NUDT14: variants seen among roughly 807,000 people sequenced by gnomAD.
The protein encoded by NUDT14 is nudix hydrolase 14.
In NUDT14, 22 loss-of-function variants were observed where a neutral mutation model predicts 17.5. That is an observed-to-expected ratio of 1.26 (90% CI 0.90 to 1.80). The LOEUF (loss-of-function observed/expected upper bound fraction) is 1.80, where lower values mean the gene tolerates loss of function less well. NUDT14 is among the 40% of genes most tolerant of loss of function. NUDT14 has a pLI of 0.00. For synonymous variants in NUDT14, 129 were observed against 125.8 expected (o/e 1.03, Z -0.17); for missense variants, 296 against 295.6 (o/e 1.00, Z -0.01).
Position 105,181,233 on chromosome 14 carries a change from CCGCGAGCTCTGCGGG to C in NUDT14, c.-39_-25del, listed in dbSNP as rs1328170589. The C allele has an allele frequency of 2.7e-3, 699 of 254,202 alleles. 3 individuals carry two copies. Among genetic ancestry groups the C allele is most frequent in the Non-Finnish European group, 3.3e-3 (666 of 203,138 alleles). 15.7% of individuals were successfully genotyped at this position (254,202 alleles called of 1,614,324 possible). On this transcript the variant is annotated 5_prime_UTR_variant, in exon 1 of 5. Coordinates refer to ENST00000392568, the MANE Select transcript of NUDT14 (RefSeq NM_177533.5). This position sits in a 1 kb window ranked among gnomAD's most constrained non-coding sequence, Gnocchi z 5.0. ...ATGGCGGCGCCCGGACAGGCGGGGG[CCGCGAGCTCTGCGGG>C]GGCCGACACGGGGCGGCGCCCTGTC...
At position 105,173,113 on chromosome 14, in the gene NUDT14, C is replaced by T; in HGVS notation, c.577G>A (p.Ala193Thr). The change falls in exon 5 of 5, where the codon GCA (alanine) becomes ACA (threonine). Residue 193 changes from alanine to threonine, a missense_variant. By Grantham distance (58) the Ala-to-Thr change is moderately conservative (BLOSUM62 0). Coordinates refer to ENST00000392568, the MANE Select transcript of NUDT14 (RefSeq NM_177533.5). This position sits in a 1 kb window ranked among gnomAD's most constrained non-coding sequence, Gnocchi z 4.7. ...GTCTTGGGGATGTCCGGGTCGTCTG[C>T]AAAGGCCTGGGCGCCTTCCAGGGGC... ...HLPLEGAQAF[A>T]DDPDIPKTLG... 1.3e-6 allele frequency: 2 copies of T among 1,596,892 alleles called. No homozygotes were observed. The highest frequency in any genetic ancestry group is 1.7e-6 in the Non-Finnish European group (2 of 1,173,024).
Position 105,176,972 on chromosome 14 carries a change from A to C in NUDT14, c.181T>G (p.Phe61Val), listed in dbSNP as rs1412066911. ...SRRSLVLVKQ[F>V]RPAVYAGEVE... is the part of the protein sequence containing the mutation. ...CCCCAGCTGGCCTCACCTGGCCGGAACTGCTTCACCAACACCAGGCTCCTC... is the reference window on the plus strand; with the variant it reads ...CCCCAGCTGGCCTCACCTGGCCGGACCTGCTTCACCAACACCAGGCTCCTC... Residue 61 changes from phenylalanine to valine, a missense_variant, in exon 3 of 5, where the codon TTC becomes GTC. Physicochemically the swap from Phe to Val is conservative, Grantham distance 50. Coordinates refer to ENST00000392568, the MANE Select transcript of NUDT14 (RefSeq NM_177533.5). 15 of 1,611,848 alleles carry C rather than the reference A, an allele frequency of 9.3e-6. No homozygotes were observed. In the Admixed American group the frequency reaches 1.2e-4, roughly 13 times the overall value.
chr14:105,177,709 G>C lies in NUDT14; in HGVS notation c.108C>G (p.Phe36Leu), dbSNP rs752515273. 1 of 1,612,500 alleles carries C rather than the reference G, an allele frequency of 6.2e-7. No homozygotes were observed. Among genetic ancestry groups the C allele is most frequent in the South Asian group, 1.1e-5 (1 of 91,082 alleles). Residue 36 changes from phenylalanine to leucine, a missense_variant, in exon 2 of 5, where the codon TTC (phenylalanine) becomes TTG (leucine). Physicochemically the swap from Phe to Leu is conservative, Grantham distance 22. Coordinates refer to ENST00000392568, the MANE Select transcript of NUDT14 (RefSeq NM_177533.5). ...RQNGAQKSWD[F>L]MKTHDSVTVL... ...GCTCTCACCTGTCATGCGTCTTCAT[G>C]AAGTCCCAGGACTTCTGGGCACCAT...
rs201633672 is a variant in NUDT14 at position 105,177,075 on chromosome 14, C to T, written c.126-48G>A. 98 of 1,571,584 alleles carry T rather than the reference C, an allele frequency of 6.2e-5. 1 individual carries two copies. In the East Asian group the frequency reaches 2.0e-3, roughly 32 times the overall value. ...AGCACAGAAGCACTCCACTGGCCCT[C>T]GTGGGGCCCCACCTCCCATCTTTCT... On this transcript the variant is annotated intron_variant, in intron 2 of 4. Transcript: ENST00000392568.
At chr14:105,176,470 G>T in intron 4 of NUDT14, 64 bp downstream of exon 4, 1 of 1,300,738 alleles carries the variant, frequency 7.7e-7, no homozygotes, top group Non-Finnish European at 1.1e-6. Flanking sequence ...TCCCAGGGAC[G>T]GGGCCCTCAC....
At chr14:105,175,719 T>C (rs968576681) in intron 4 of NUDT14, 7 of 1,000,278 alleles carry the variant, frequency 7.0e-6, no homozygotes, top group Middle Eastern at 5.0e-4. Context: ...AATGCTGCCT[T>C]TAACTTGGGA....
At chr14:105,175,591 G>A (rs996361626) in intron 4 of NUDT14, 2 of 344,706 alleles carry the variant, frequency 5.8e-6, no homozygotes, top group African/African-American at 4.4e-5. Flanking sequence ...AGCAGAGGCG[G>A]GGTTTCTCCA....
rs1244708127 is a variant in NUDT14 at position 105,176,952 on chromosome 14, G to GCTGGCCTCAC, written c.190+1_190+10dup. 98 of 1,610,914 alleles carry GCTGGCCTCAC rather than the reference G, an allele frequency of 6.1e-5. No homozygotes were observed. Among genetic ancestry groups the GCTGGCCTCAC allele is most frequent in the Non-Finnish European group, 7.6e-5 (90 of 1,179,214 alleles). Reference sequence around the variant, plus strand: ...CCCTGCAGATCCCCTTCCCACCCCAGCTGGCCTCACCTGGCCGGAACTGCT... The same window carrying GCTGGCCTCAC: ...CCCTGCAGATCCCCTTCCCACCCCAGCTGGCCTCACCTGGCCTCACCTGGCCGGAACTGCT... On this transcript the variant is annotated intron_variant, in intron 3 of 4. Coordinates refer to ENST00000392568, the MANE Select transcript of NUDT14 (RefSeq NM_177533.5).
chr14:105,176,539 T>C lies in NUDT14; in HGVS notation c.423A>G (p.Thr141=). The C allele has an allele frequency of 1.2e-6, 2 of 1,611,618 alleles. No individual in the cohort carries two copies. The highest frequency in any genetic ancestry group is 1.7e-6 in the Non-Finnish European group (2 of 1,178,960). ...LAPSDLRRVA[T]YWSGVGLTGS... is the part of the protein sequence containing the mutation. ...GAGGGCCTGGTCCCACTCACCAGTATGTGGCGACCCGGCGCAGATCAGAGG... is the reference window on the plus strand; with the variant it reads ...GAGGGCCTGGTCCCACTCACCAGTACGTGGCGACCCGGCGCAGATCAGAGG... The change falls in exon 4 of 5, where the codon ACA becomes ACG. Residue 141 remains threonine (T), a synonymous_variant. Transcript: ENST00000392568.
chr14:105,176,079 C>G (rs973133288), intron 4 of NUDT14: 62 of 1,082,490 alleles, frequency 5.7e-5, no homozygotes, highest in Non-Finnish European at 6.5e-5. Flanking sequence ...GAGTTGGTGC[C>G]TCGAGTTTGG....
At chr14:105,176,935 A>T in intron 3 of NUDT14, 28 bp downstream of exon 3, 1 of 1,601,866 alleles carries the variant, frequency 6.2e-7, no homozygotes, top group Non-Finnish European at 8.5e-7. Context: ...GACCCTGCAG[A>T]TCCCCTTCCC....
chr14:105,176,641 G>C lies in NUDT14; in HGVS notation c.321C>G (p.Leu107=), dbSNP rs150187377. 1 of 1,612,766 alleles carries C rather than the reference G, an allele frequency of 6.2e-7. No homozygotes were observed. Among genetic ancestry groups the C allele is most frequent in the Non-Finnish European group, 8.5e-7 (1 of 1,179,988 alleles). ...CCAGCGAGAGCCCAGGCTGGTCCAC[G>C]AGGCCGGCACACAGCTCAACTGTCA... is the stretch of plus-strand genomic sequence containing the variant. The part of the protein sequence containing the change: ...AGVTVELCAG[L]VDQPGLSLEE... Residue 107 remains leucine, a synonymous_variant, in exon 4 of 5, where the codon CTC becomes CTG. Coordinates refer to ENST00000392568, the MANE Select transcript of NUDT14 (RefSeq NM_177533.5).
In NUDT14 at chr14:105,173,329, A is replaced by C; in HGVS notation, c.429-68T>G. The C allele has an allele frequency of 1.4e-6, 2 of 1,398,404 alleles. No homozygotes were observed. The highest frequency in any genetic ancestry group is 9.2e-7 in the Non-Finnish European group (1 of 1,082,062). 86.6% of individuals were successfully genotyped at this position (1,398,404 alleles called of 1,614,324 possible). A position where few individuals can be genotyped will look rare whatever the true frequency, so the allele number is the denominator to read the frequency against. ...CCGCTGGCCCCCTGGCCCTTCTACC[A>C]CCCTCCAACCCACCCTCTCCACTCT... On this transcript the variant is annotated intron_variant, in intron 4 of 4. Transcript: ENST00000392568. The surrounding 1 kb of genome is among the most constrained non-coding windows in gnomAD (Gnocchi z 4.7).
rs1889323308 is a variant in NUDT14 at position 105,181,238 on chromosome 14, AGCTCTGCG to A, written c.-37_-30del. 8 of 237,998 alleles carry A rather than the reference AGCTCTGCG, an allele frequency of 3.4e-5. No homozygotes were observed. The highest frequency in any genetic ancestry group is 4.2e-5 in the Non-Finnish European group (8 of 188,986). 14.7% of individuals were successfully genotyped at this position (237,998 alleles called of 1,614,324 possible). Reference sequence around the variant, plus strand: ...GGCGCCCGGACAGGCGGGGGCCGCGAGCTCTGCGGGGGCCGACACGGGGCGGCGCCCTG... The same window carrying A: ...GGCGCCCGGACAGGCGGGGGCCGCGAGGGGCCGACACGGGGCGGCGCCCTG... On this transcript the variant is annotated 5_prime_UTR_variant, in exon 1 of 5. Transcript: ENST00000392568. This position sits in a 1 kb window ranked among gnomAD's most constrained non-coding sequence, Gnocchi z 5.0.
At position 105,173,603 on chromosome 14, in the gene NUDT14, G is replaced by A. The variant is rs145802414; in HGVS notation, c.429-342C>T. The A allele has an allele frequency of 1.4e-3, 286 of 202,768 alleles. No homozygotes were observed. Among genetic ancestry groups the A allele is most frequent in the Admixed American group, 7.6e-3 (126 of 16,650 alleles). The allele number at this position is 202,768 out of a possible 1,614,324, so 12.6% of individuals were successfully genotyped here. On this transcript the variant is annotated intron_variant, in intron 4 of 4. Coordinates refer to ENST00000392568, the MANE Select transcript of NUDT14 (RefSeq NM_177533.5). The surrounding 1 kb of genome is among the most constrained non-coding windows in gnomAD (Gnocchi z 4.7). ...GAAGCCCTCCAGAGGGTGTTTCAAC[G>A]CCAGAAAGGGAGAAATTCAGGCCAG...
chr14:105,180,375 G>C (rs1231521070), intron 1 of NUDT14, among the ~76,000 whole-genome samples: 1 of 152,196 alleles, frequency 6.6e-6, no homozygotes, highest in African/African-American at 2.4e-5. Flanking sequence ...GGCTGAGGCA[G>C]GAGGATCGCT....
chr14:105,176,646 C>T lies in NUDT14; in HGVS notation c.316G>A (p.Gly106Ser), dbSNP rs138979378. 838 of 1,612,764 alleles carry T rather than the reference C, an allele frequency of 5.2e-4. No homozygotes were observed. The highest frequency in any genetic ancestry group is 4.3e-4 in the Non-Finnish European group (504 of 1,179,966). The change falls in exon 4 of 5, where the codon GGC (glycine) becomes AGC (serine). Residue 106 changes from glycine to serine, a missense_variant. By Grantham distance (56) the Gly-to-Ser change is moderately conservative. Transcript: ENST00000392568. ...SAGVTVELCA[G>S]LVDQPGLSLE... Reference sequence around the variant, plus strand: ...GAGAGCCCAGGCTGGTCCACGAGGCCGGCACACAGCTCAACTGTCACCCCC... The same window carrying T: ...GAGAGCCCAGGCTGGTCCACGAGGCTGGCACACAGCTCAACTGTCACCCCC...
At chr14:105,178,609 G>A (rs901325427) in intron 1 of NUDT14, among the ~76,000 whole-genome samples, 1 of 152,128 alleles carries the variant, frequency 6.6e-6, no homozygotes, top group Non-Finnish European at 1.5e-5. Flanking sequence ...GGGTCCCGCG[G>A]GGTCCCATCT....
intron 1 of NUDT14, among the ~76,000 whole-genome samples, chr14:105,179,352 G>T (rs1889281183): frequency 6.6e-6 from 1 of 152,200 alleles, no homozygotes; most frequent in Non-Finnish European, 1.5e-5. Context: ...GGCTGCAGCT[G>T]CCCCTGGGTG....
Sources: allele counts gnomAD v4.1 joint callset (sites outside exome capture counted in the v4.1 genomes callset), GRCh38; gene constraint gnomAD v4.1.1; non-coding constraint Gnocchi (gnomAD v3.1); transcripts MANE v1.5; gene names NCBI Gene and HGNC (gene_info 2026-07-23, HGNC 2026-07-21).